Variants in VMP1 observed in about 807,000 individuals in gnomAD.
The protein encoded by VMP1 is vacuole membrane protein 1.
A neutral mutation model predicts 56.0 loss-of-function variants in VMP1; 11 were observed. The ratio of observed to expected loss-of-function variants is 0.20; its 90% confidence interval spans 0.12 to 0.32. The LOEUF is 0.32. VMP1 is among the 10% of genes least tolerant of loss of function. The pLI is 1.00. For synonymous variants in VMP1, 149 were observed against 165.0 expected (o/e 0.90, Z 0.74); for missense variants, 296 against 490.3 (o/e 0.60, Z 3.74).
At chr17:59,710,955 C>A (rs917962112) in intron 1 of VMP1, among the ~76,000 whole-genome samples, 1 of 152,108 alleles carries the variant, frequency 6.6e-6, no homozygotes, top group African/African-American at 2.4e-5. Context: ...CGCCTGTAAT[C>A]CCAGCTACTC....
chr17:59,767,527 C>T (rs1445170336), intron 6 of VMP1, among the ~76,000 whole-genome samples: 3 of 152,084 alleles, frequency 2.0e-5, no homozygotes, highest in Non-Finnish European at 2.9e-5. Flanking sequence ...AGAAAAGGGA[C>T]TTTGTATGTA....
chr17:59,722,491 T>C (rs2034439335), intron 1 of VMP1, among the ~76,000 whole-genome samples: 1 of 152,206 alleles, frequency 6.6e-6, no homozygotes, highest in Non-Finnish European at 1.5e-5. Flanking sequence ...AGCCTAATAA[T>C]GCCCCCCAGT....
intron 1 of VMP1, among the ~76,000 whole-genome samples, chr17:59,721,055 A>G (rs1233097914): frequency 3.3e-5 from 5 of 151,264 alleles, no homozygotes; most frequent in African/African-American, 1.2e-4. Context: ...ATATAAAAAT[A>G]GGGATGGGGG....
chr17:59,739,311 C>T (rs1315108566), intron 5 of VMP1, among the ~76,000 whole-genome samples: 2 of 152,212 alleles, frequency 1.3e-5, no homozygotes, highest in East Asian at 3.8e-4. Flanking sequence ...TCCCTTACAT[C>T]CTCTAACATC....
intron 11 of VMP1, chr17:59,838,615 AG>A (rs1468527715): frequency 3.7e-6 from 2 of 538,554 alleles, no homozygotes; most frequent in East Asian, 6.5e-5. Flanking sequence ...ACAAGGGTAG[AG>A]CCAATGGAAA....
chr17:59,769,725 T>C (rs1044996148), intron 6 of VMP1, among the ~76,000 whole-genome samples: 1 of 152,190 alleles, frequency 6.6e-6, no homozygotes, highest in African/African-American at 2.4e-5. Flanking sequence ...ATACCACTTA[T>C]TTTGCAGTAA....
At chr17:59,824,570 CTAAAA>C (rs2038574119) in intron 10 of VMP1, among the ~76,000 whole-genome samples, 1 of 112,436 alleles carries the variant, frequency 8.9e-6, no homozygotes, top group African/African-American at 3.2e-5. Flanking sequence ...GAGACTCCTT[CTAAAA>C]AAAAAAAAAA....
intron 10 of VMP1, among the ~76,000 whole-genome samples, chr17:59,821,794 C>T (rs957242983): frequency 2.0e-5 from 3 of 151,922 alleles, no homozygotes; most frequent in African/African-American, 4.8e-5. Flanking sequence ...AGGTGATCCA[C>T]CTGCCTGGGA....
intron 1 of VMP1, among the ~76,000 whole-genome samples, chr17:59,723,239 A>G (rs1433345851): frequency 2.0e-5 from 3 of 152,228 alleles, no homozygotes; most frequent in Non-Finnish European, 4.4e-5. Context: ...CAGTATGGCA[A>G]CATCATTTTG....
chr17:59,772,647 T>G (rs2036469078), intron 6 of VMP1, among the ~76,000 whole-genome samples: 1 of 151,526 alleles, frequency 6.6e-6, no homozygotes, highest in Non-Finnish European at 1.5e-5. Context: ...CACACACCTG[T>G]AGTCCCAGCT....
In VMP1 at chr17:59,839,750, C is replaced by A; in HGVS notation, c.1078-18C>A. On this transcript the variant is annotated intron_variant, in intron 11 of 11. Transcript: ENST00000262291. ...ATGAAGCCTTTTTCATTGCATTGTT[C>A]TGCATTTATTTCTACAGGGAGAAAA... The A allele has an allele frequency of 6.2e-7, 1 of 1,604,020 alleles. No individual in the cohort carries two copies.
chr17:59,825,719 A>ACT (rs533435776), intron 10 of VMP1, among the ~76,000 whole-genome samples: 171 of 152,324 alleles, frequency 1.1e-3, no homozygotes, highest in African/African-American at 3.8e-3. Flanking sequence ...TGGAACAGGG[A>ACT]CTTTTTACCA....
intron 5 of VMP1, among the ~76,000 whole-genome samples, chr17:59,752,616 G>A (rs1292580010): frequency 6.6e-6 from 1 of 152,212 alleles, no homozygotes; most frequent in Non-Finnish European, 1.5e-5. Context: ...TTCTAAATGA[G>A]CTGTCTGATG....
At chr17:59,728,584 A>G (rs1053187656) in intron 1 of VMP1, among the ~76,000 whole-genome samples, 2 of 152,198 alleles carry the variant, frequency 1.3e-5, no homozygotes, top group African/African-American at 4.8e-5. Context: ...CATGCCTGGA[A>G]TCCCACCACT....
chr17:59,781,799 T>G (rs1161915736), intron 7 of VMP1, among the ~76,000 whole-genome samples: 1 of 152,204 alleles, frequency 6.6e-6, no homozygotes. Context: ...ATGATATATT[T>G]TTCATTTTCT....
At chr17:59,783,965 T>C (rs1365493573) in intron 7 of VMP1, among the ~76,000 whole-genome samples, 1 of 152,192 alleles carries the variant, frequency 6.6e-6, no homozygotes, top group Non-Finnish European at 1.5e-5. Flanking sequence ...AAATCTAAAC[T>C]ATTTAACCCA....
chr17:59,784,600 G>A (rs2036943896), intron 7 of VMP1, among the ~76,000 whole-genome samples: 1 of 152,154 alleles, frequency 6.6e-6, no homozygotes, highest in African/African-American at 2.4e-5. Context: ...TTTCAACAAT[G>A]CCTGCCTACT....
intron 7 of VMP1, among the ~76,000 whole-genome samples, chr17:59,797,761 C>G (rs1315328971): frequency 6.6e-6 from 1 of 152,180 alleles, no homozygotes; most frequent in Non-Finnish European, 1.5e-5. Flanking sequence ...GGCCTGTAGT[C>G]CCAGCTATTC....
At chr17:59,787,495 C>T (rs1207814101) in intron 7 of VMP1, among the ~76,000 whole-genome samples, 3 of 152,076 alleles carry the variant, frequency 2.0e-5, no homozygotes, top group Admixed American at 6.6e-5. Flanking sequence ...CTGTATTTAG[C>T]CTTGTCACCT....
Sources: gnomAD v4.1 joint callset for allele counts (sites outside exome capture counted in the v4.1 genomes callset) on GRCh38, gnomAD v4.1.1 for gene constraint, MANE v1.5 for transcripts, NCBI Gene and HGNC (gene_info 2026-07-23, HGNC 2026-07-21) for gene names.